Variants in ZNF71 observed in about 807,000 individuals in gnomAD.
ZNF71 encodes endothelial zinc finger protein induced by tumor necrosis factor alpha.
A neutral mutation model predicts 6.7 loss-of-function variants in ZNF71; 3 were observed. That is an observed-to-expected ratio of 0.45 (90% CI 0.20 to 1.16). ZNF71 has a LOEUF of 1.16. Ranked by LOEUF, ZNF71 falls within the 50% of genes most tolerant of loss-of-function variation. ZNF71 has a pLI of 0.25. For missense variants in ZNF71, 688 were observed against 728.6 expected, an observed-to-expected ratio of 0.94 and a Z score of 0.64; for synonymous variants, 343 against 311.1, an observed-to-expected ratio of 1.10 and a Z score of -1.08.
chr19:56,622,722 A>G lies in ZNF71; in HGVS notation c.1615A>G (p.Thr539Ala), dbSNP rs1728036057. The G allele has an allele frequency of 6.2e-7, 1 of 1,609,684 alleles. No homozygotes were observed. Residue 539 changes from threonine (T) to alanine (A), a missense_variant, in exon 4 of 4, where the codon ACG becomes GCG. Coordinates refer to ENST00000599599, the MANE Select transcript of ZNF71 (RefSeq NM_001370215.1). ...GTGCGGGAAGACCTTCAGCCGCAACACGAACCTGACGCGCCACCTGCGGAT... is the reference window on the plus strand; with the variant it reads ...GTGCGGGAAGACCTTCAGCCGCAACGCGAACCTGACGCGCCACCTGCGGAT... ...GECGKTFSRNTNLTRHLRIHT is the reference protein window; with the variant it reads ...GECGKTFSRNANLTRHLRIHT
chr19:56,619,909 C>T (rs1035781800), intron 3 of ZNF71, among the ~76,000 whole-genome samples: 2 of 152,126 alleles, frequency 1.3e-5, no homozygotes, highest in Non-Finnish European at 2.9e-5. Flanking sequence ...TCCACCTAGG[C>T]TAGAAATCGA....
chr19:56,599,895 G>A (rs1430463035), intron 1 of ZNF71, among the ~76,000 whole-genome samples: 2 of 151,340 alleles, frequency 1.3e-5, no homozygotes, highest in South Asian at 2.1e-4. Flanking sequence ...GGGTTTCACC[G>A]TGGTCTTGAT....
chr19:56,596,750 G>C (rs2044628546), intron 1 of ZNF71, among the ~76,000 whole-genome samples: 1 of 152,166 alleles, frequency 6.6e-6, no homozygotes, highest in Admixed American at 6.5e-5. Context: ...ACTCACCCAA[G>C]GCTACCTCAG....
At chr19:56,617,213 C>A (rs1002688646) in intron 3 of ZNF71, among the ~76,000 whole-genome samples, 1 of 149,724 alleles carries the variant, frequency 6.7e-6, no homozygotes, top group African/African-American at 2.5e-5. Context: ...CTGGTTAAAG[C>A]GATTCTCCTG....
chr19:56,623,851 A>G lies in ZNF71; in HGVS notation c.*1094A>G, dbSNP rs1294552866. The G allele has an allele frequency of 1.8e-5, 3 of 167,068 alleles. No homozygotes were observed. Among genetic ancestry groups the G allele is most frequent in the African/African-American group, 7.2e-5 (3 of 41,440 alleles). 10.3% of individuals were successfully genotyped at this position (167,068 alleles called of 1,614,324 possible). A position where few individuals can be genotyped will look rare whatever the true frequency, so the allele number is the denominator to read the frequency against. The stretch of plus-strand genomic sequence containing the variant: ...CGGCAGACTTCCTCAGGCCCCTTAT[A>G]AGGGTGCTAATCCCAGTCACAAGGG... On this transcript the variant is annotated 3_prime_UTR_variant, in exon 4 of 4. Coordinates refer to ENST00000599599, the MANE Select transcript of ZNF71 (RefSeq NM_001370215.1).
intron 1 of ZNF71, among the ~76,000 whole-genome samples, chr19:56,599,199 C>G (rs1197313662): frequency 6.6e-6 from 1 of 152,130 alleles, no homozygotes; most frequent in Non-Finnish European, 1.5e-5. Flanking sequence ...GTGTTGGTGG[C>G]ACGGGTAGTG....
intron 1 of ZNF71, among the ~76,000 whole-genome samples, chr19:56,596,373 A>G (rs2148000598): frequency 6.6e-6 from 1 of 152,188 alleles, no homozygotes; most frequent in East Asian, 1.9e-4. Context: ...TGCCTGGACA[A>G]GGGAGCCTAG....
chr19:56,609,799 A>G (rs77773571), intron 2 of ZNF71, among the ~76,000 whole-genome samples: 1 of 138,646 alleles, frequency 7.2e-6, no homozygotes, highest in Non-Finnish European at 1.5e-5. Flanking sequence ...TGTTCCGGAC[A>G]TTGTACATAA....
intron 2 of ZNF71, among the ~76,000 whole-genome samples, chr19:56,612,714 G>C (rs1454601144): frequency 1.3e-5 from 2 of 152,088 alleles, no homozygotes; most frequent in African/African-American, 4.8e-5. Flanking sequence ...TAAAATCCCA[G>C]ACTTTACCAC....
chr19:56,600,284 G>A lies in ZNF71; in HGVS notation c.-52-1223G>A, dbSNP rs565810893. Among the ~76,000 whole-genome samples the A allele has an allele frequency of 4.6e-4, 9 of 19,602 alleles. 4 individuals are homozygous for A. Among genetic ancestry groups the A allele is most frequent in the Non-Finnish European group, 9.0e-4 (9 of 9,962 alleles). 12.9% of individuals were successfully genotyped at this position (19,602 alleles called of 152,430 possible). On this transcript the variant is annotated intron_variant, in intron 1 of 3. Coordinates refer to ENST00000599599, the MANE Select transcript of ZNF71 (RefSeq NM_001370215.1). ...GCAATCTCGGCTCACTGCAAGCTCC[G>A]CTTCCCGGGTTCACGCCATTCTCCT... is the stretch of plus-strand genomic sequence containing the variant.
intron 2 of ZNF71, chr19:56,609,907 A>G (rs1303046267): frequency 1.3e-5 from 2 of 152,000 alleles, no homozygotes; most frequent in African/African-American, 2.4e-5. Context: ...TGTACAAATG[A>G]GGCATACGAT....
rs1257944796 is a variant in ZNF71, at chr19:56,622,687, G to A, written c.1580G>A (p.Arg527Gln). Residue 527 changes from arginine (R) to glutamine (Q), a missense_variant, in exon 4 of 4, where the codon CGA becomes CAA. Transcript: ENST00000599599. The stretch of plus-strand genomic sequence containing the variant: ...ATCCACACGGGCGAGAAGCCCTACC[G>A]ATGCGGCGAGTGCGGGAAGACCTTC... ...QRIHTGEKPY[R>Q]CGECGKTFSR... 3.1e-6 allele frequency: 5 copies of A among 1,613,290 alleles called. No individual in the cohort carries two copies. The South Asian group carries it at 4.4e-5, about 14-fold the overall frequency.
At chr19:56,599,563 T>C (rs752004896) in intron 1 of ZNF71, among the ~76,000 whole-genome samples, 7 of 152,172 alleles carry the variant, frequency 4.6e-5, no homozygotes, top group Non-Finnish European at 1.0e-4. Flanking sequence ...GGTTTATATA[T>C]TTATGGAGTA....
chr19:56,618,697 G>T lies in ZNF71; in HGVS notation c.161-2571G>T, dbSNP rs1047742037. On this transcript the variant is annotated intron_variant, in intron 3 of 3. Transcript: ENST00000599599. The surrounding 1 kb of genome is among the most constrained non-coding windows in gnomAD (Gnocchi z 4.6). The stretch of plus-strand genomic sequence containing the variant: ...GGTCCACAGGACAGTGGATGCAGAG[G>T]CCCTGAGGCAGGAAGAACACACGGA... 7.2e-6 allele frequency among the ~76,000 whole-genome samples: 1 copy of T among 138,672 alleles called. No homozygotes were observed. Among genetic ancestry groups the T allele is most frequent in the African/African-American group, 2.6e-5 (1 of 37,758 alleles). 91.0% of individuals were successfully genotyped at this position (138,672 alleles called of 152,430 possible). A position where few individuals can be genotyped will look rare whatever the true frequency, so the allele number is the denominator to read the frequency against.
chr19:56,606,075 G>T (rs1290053864), intron 2 of ZNF71, among the ~76,000 whole-genome samples: 1 of 152,134 alleles, frequency 6.6e-6, no homozygotes, highest in Non-Finnish European at 1.5e-5. Context: ...TAAGTGAGAT[G>T]GTGTGTGCAG....
Position 56,621,831 on chromosome 19 carries a change from G to A in ZNF71, c.724G>A (p.Gly242Ser), listed in dbSNP as rs761101566. The change falls in exon 4 of 4, where the codon GGC becomes AGC. Residue 242 changes from glycine to serine, a missense_variant. By Grantham distance (56) the Gly-to-Ser change is moderately conservative (BLOSUM62 0). Coordinates refer to ENST00000599599, the MANE Select transcript of ZNF71 (RefSeq NM_001370215.1). ...SLTIHQRVHT[G>S]EKPYACGDCG... ...CACCATCCACCAGCGGGTGCACACG[G>A]GCGAGAAGCCCTATGCCTGCGGGGA... 3.1e-6 allele frequency: 5 copies of A among 1,612,044 alleles called. No homozygotes were observed. The African/African-American group carries it at 6.7e-5, about 22-fold the overall frequency.
At chr19:56,609,852 C>T (rs566475968) in intron 2 of ZNF71, 90 of 142,014 alleles carry the variant, frequency 6.3e-4, no homozygotes, top group African/African-American at 2.5e-3. Flanking sequence ...GGACATTGTA[C>T]ATAAATGAGG....
intron 2 of ZNF71, among the ~76,000 whole-genome samples, chr19:56,607,021 A>G (rs1429429196): frequency 6.6e-6 from 1 of 152,170 alleles, no homozygotes; most frequent in Non-Finnish European, 1.5e-5. Flanking sequence ...GACAGTGAAA[A>G]TGGGTAATTT....
At chr19:56,605,704 G>A (rs1042540143) in intron 2 of ZNF71, among the ~76,000 whole-genome samples, 2 of 152,202 alleles carry the variant, frequency 1.3e-5, no homozygotes, top group African/African-American at 4.8e-5. Context: ...CATCACACTA[G>A]GGAGGAGGTC....
Sources: allele counts gnomAD v4.1 joint callset (sites outside exome capture counted in the v4.1 genomes callset), GRCh38; gene constraint gnomAD v4.1.1; non-coding constraint Gnocchi (gnomAD v3.1); transcripts MANE v1.5; gene names NCBI Gene and HGNC (gene_info 2026-07-23, HGNC 2026-07-21).